Variants in TTC39A observed in about 807,000 individuals in gnomAD.
TTC39A encodes tetratricopeptide repeat domain 39A.
A neutral mutation model predicts 82.3 loss-of-function variants in TTC39A; 46 were observed. That is an observed-to-expected ratio of 0.56 (90% CI 0.44 to 0.71). The LOEUF (loss-of-function observed/expected upper bound fraction) is 0.71, where lower values mean the gene tolerates loss of function less well. TTC39A is among the 30% of genes least tolerant of loss of function. TTC39A has a pLI of 0.00. For synonymous variants in TTC39A, 254 were observed against 275.2 expected (o/e 0.92, Z 0.76); for missense variants, 543 against 712.9 (o/e 0.76, Z 2.71).
chr1:51,309,115 G>T, intron 6 of TTC39A, 146 bp downstream of exon 6: 2 of 930,854 alleles, frequency 2.1e-6, no homozygotes, highest in Non-Finnish European at 1.5e-6. Flanking sequence ...GGTCCTGAGG[G>T]CATGGAAATC....
Position 51,288,737 on chromosome 1 carries a change from T to C in TTC39A, c.1610+102A>G. 1.8e-6 allele frequency: 2 copies of C among 1,109,726 alleles called. No individual in the cohort carries two copies. The highest frequency in any genetic ancestry group is 2.6e-6 in the Non-Finnish European group (2 of 760,832). The allele number at this position is 1,109,726 out of a possible 1,614,324, so 68.7% of individuals were successfully genotyped here. ...CTCTAGACTGCCAGACTGGCCTTGC[T>C]AGCAACTCCACTCACTGCTCTCTGG... On this transcript the variant is annotated intron_variant, in intron 17 of 17. Transcript: ENST00000680483. This position sits in a 1 kb window ranked among gnomAD's most constrained non-coding sequence, Gnocchi z 4.8.
chr1:51,325,619 G>GGCTAAGGTCACACATCCAA, intron 1 of TTC39A, among the ~76,000 whole-genome samples: 1 of 152,264 alleles, frequency 6.6e-6, no homozygotes, highest in Admixed American at 6.5e-5. Flanking sequence ...CGGGTAACTT[G>GGCTAAGGTCACACATCCAA]GCTAAGGTCA....
chr1:51,330,890 C>T (rs1645894650), upstream of TTC39A: 2 of 591,840 alleles, frequency 3.4e-6, no homozygotes, highest in Admixed American at 5.6e-5. This position sits in a 1 kb window ranked among gnomAD's most constrained non-coding sequence, Gnocchi z 4.5. Flanking sequence ...CCGAAGCGGC[C>T]CCCACCTGAG....
chr1:51,292,889 A>T (rs1023965850), intron 14 of TTC39A, among the ~76,000 whole-genome samples: 9 of 152,200 alleles, frequency 5.9e-5, no homozygotes, highest in African/African-American at 1.7e-4. Flanking sequence ...ATAGTATATA[A>T]ACTGTGTTTA....
upstream of TTC39A, chr1:51,331,056 C>T (rs1218775378): frequency 6.7e-6 from 6 of 888,928 alleles, no homozygotes; most frequent in Non-Finnish European, 1.1e-5. Context: ...TGCTAGCTGG[C>T]AGTTCACACT....
intron 8 of TTC39A, among the ~76,000 whole-genome samples, chr1:51,304,637 G>A (rs1199369511): frequency 2.0e-5 from 3 of 152,202 alleles, no homozygotes; most frequent in Admixed American, 6.5e-5. Context: ...TGAGTTCTCT[G>A]GTTCCTCCTC....
At chr1:51,336,797 A>G (rs1002606926) in intron 1 of TTC39A, among the ~76,000 whole-genome samples, 34 of 152,148 alleles carry the variant, frequency 2.2e-4, no homozygotes, top group African/African-American at 7.2e-4. Flanking sequence ...GATGGCACCA[A>G]CCTCATTAGG....
intron 2 of TTC39A, among the ~76,000 whole-genome samples, chr1:51,314,167 G>T (rs576760488): frequency 6.6e-6 from 1 of 152,322 alleles, no homozygotes; most frequent in South Asian, 2.1e-4. Flanking sequence ...GGTGTGTTGG[G>T]GGCAGGGGGT....
chr1:51,320,876 T>C (rs1337443157), intron 2 of TTC39A, among the ~76,000 whole-genome samples: 2 of 149,176 alleles, frequency 1.3e-5, no homozygotes, highest in Admixed American at 1.3e-4. Context: ...TTCTGGTTTT[T>C]TTTTTTTTTT....
intron 3 of TTC39A, 30 bp downstream of exon 3, chr1:51,312,782 C>A: frequency 1.9e-6 from 3 of 1,607,782 alleles, no homozygotes; most frequent in Non-Finnish European, 2.6e-6. Flanking sequence ...GGCCTCCCAA[C>A]CTCTGATCCC....
At chr1:51,329,303 C>A (rs1347339042) in intron 1 of TTC39A, among the ~76,000 whole-genome samples, 1 of 152,202 alleles carries the variant, frequency 6.6e-6, no homozygotes, top group Non-Finnish European at 1.5e-5. Context: ...ACCTACCCAA[C>A]CTCCAGCTTT....
chr1:51,317,674 C>T (rs1265816098), intron 2 of TTC39A, among the ~76,000 whole-genome samples: 3 of 151,890 alleles, frequency 2.0e-5, no homozygotes, highest in Non-Finnish European at 4.4e-5. Context: ...CGCTTGAACC[C>T]AGGAGGTGGA....
intron 7 of TTC39A, 34 bp from the exon 8 acceptor site, chr1:51,305,180 T>C (rs774814601): frequency 1.3e-5 from 21 of 1,609,218 alleles, no homozygotes; most frequent in Non-Finnish European, 1.8e-5. Flanking sequence ...CCTGTGAAGG[T>C]ACCCAGAGTG....
At chr1:51,342,963 C>T (rs1251635750) in intron 1 of TTC39A, 3 of 437,046 alleles carry the variant, frequency 6.9e-6, no homozygotes, top group South Asian at 4.7e-5. Context: ...CGCCAGCCTC[C>T]CCTCTGCTCT....
chr1:51,304,962 T>C, intron 8 of TTC39A, 119 bp downstream of exon 8: 2 of 1,058,564 alleles, frequency 1.9e-6, no homozygotes, highest in Middle Eastern at 5.3e-4. Context: ...GGCCATACAA[T>C]GAGAGGGGCT....
chr1:51,321,837 G>C lies in TTC39A; in HGVS notation c.42-12C>G. 6.2e-7 allele frequency: 1 copy of C among 1,609,578 alleles called. No individual in the cohort carries two copies. The highest frequency in any genetic ancestry group is 1.3e-5 in the African/African-American group (1 of 74,940). Reference sequence around the variant, plus strand: ...TGCTCTCAGGAGTCCTGGGGGAAGAGATGCGGGGCATGACACAGGGGCCCT... The same window carrying C: ...TGCTCTCAGGAGTCCTGGGGGAAGACATGCGGGGCATGACACAGGGGCCCT... On this transcript the variant is annotated splice_polypyrimidine_tract_variant and intron_variant, in intron 1 of 17. Transcript: ENST00000680483. This position sits in a 1 kb window ranked among gnomAD's most constrained non-coding sequence, Gnocchi z 4.6.
chr1:51,316,206 G>C (rs1645277492), intron 2 of TTC39A, among the ~76,000 whole-genome samples: 1 of 152,180 alleles, frequency 6.6e-6, no homozygotes, highest in Admixed American at 6.5e-5. Context: ...GCGCTCAAAG[G>C]CTGTTGCTGA....
chr1:51,320,186 CA>C (rs1473198679), intron 2 of TTC39A, among the ~76,000 whole-genome samples: 1 of 151,918 alleles, frequency 6.6e-6, no homozygotes, highest in Non-Finnish European at 1.5e-5. Flanking sequence ...TGATAGGTTT[CA>C]GCATTTTGGG....
intron 6 of TTC39A, among the ~76,000 whole-genome samples, chr1:51,307,615 G>T (rs1436302230): frequency 6.6e-6 from 1 of 151,530 alleles, no homozygotes; most frequent in African/African-American, 2.4e-5. Flanking sequence ...TATGTCTGTG[G>T]TCCCAGCCAC....
Sources: allele counts gnomAD v4.1 joint callset (sites outside exome capture counted in the v4.1 genomes callset), GRCh38; gene constraint gnomAD v4.1.1; non-coding constraint Gnocchi (gnomAD v3.1); transcripts MANE v1.5; gene names NCBI Gene and HGNC (gene_info 2026-07-23, HGNC 2026-07-21).